The following ZNF423 variants were observed in gnomAD, a reference collection of about 807,000 sequenced individuals.
The protein encoded by ZNF423 is zinc finger protein 423.
ZNF423 carries 12 observed loss-of-function variants against 95.8 expected under a neutral mutation model. That is an observed-to-expected ratio of 0.13 (90% confidence interval 0.08 to 0.20). The LOEUF is 0.20. Ranked by LOEUF, ZNF423 falls within the 10% of genes least tolerant of loss-of-function variation. ZNF423 has a pLI of 1.00. For synonymous variants in ZNF423, 749 were observed against 711.9 expected (o/e 1.05, Z -0.83); for missense variants, 1,316 against 1,737.1 (o/e 0.76, Z 4.31).
intron 1 of ZNF423, among the ~76,000 whole-genome samples, chr16:49,817,539 A>G (rs552142223): frequency 1.3e-5 from 2 of 152,278 alleles, no homozygotes; most frequent in South Asian, 4.1e-4. Context: ...CACAGGTCCC[A>G]TCAGACCAGG....
At chr16:49,661,394 G>A (rs1316014706) in intron 3 of ZNF423, among the ~76,000 whole-genome samples, 4 of 152,146 alleles carry the variant, frequency 2.6e-5, no homozygotes, top group Admixed American at 2.0e-4. Context: ...CCCACCAGGG[G>A]GGACCCCCAA....
intron 3 of ZNF423, among the ~76,000 whole-genome samples, chr16:49,674,325 T>G (rs1376874041): frequency 6.6e-6 from 1 of 152,038 alleles, no homozygotes; most frequent in Non-Finnish European, 1.5e-5. Flanking sequence ...CCTAAGGGAT[T>G]TGTGGTGTGT....
intron 2 of ZNF423, among the ~76,000 whole-genome samples, chr16:49,733,844 G>C (rs953149441): frequency 1.3e-5 from 2 of 152,198 alleles, no homozygotes; most frequent in East Asian, 3.9e-4. Context: ...GAACAGGAAG[G>C]CCTCCACCCC....
At chr16:49,592,085 A>T (rs9940828) in intron 5 of ZNF423, among the ~76,000 whole-genome samples, 1 of 152,050 alleles carries the variant, frequency 6.6e-6, no homozygotes, top group South Asian at 2.1e-4. Flanking sequence ...AAAGTAATTG[A>T]GGTTTTTGCA....
At chr16:49,731,429 C>G in intron 2 of ZNF423, 1 of 957,892 alleles carries the variant, frequency 1.0e-6, no homozygotes, top group Non-Finnish European at 1.2e-6. Flanking sequence ...AGGGCAGTGA[C>G]GTTGGCTCAG....
chr16:49,789,299 C>T (rs1304095697), intron 2 of ZNF423, among the ~76,000 whole-genome samples, 188 bp downstream of exon 2: 4 of 152,150 alleles, frequency 2.6e-5, no homozygotes, highest in Admixed American at 6.5e-5. Flanking sequence ...TATTAGTCTC[C>T]GTATGTAATA....
rs894959114 is a variant in ZNF423, at chr16:49,636,738, T to C, written c.2438A>G (p.Lys813Arg). 7.4e-6 allele frequency: 12 copies of C among 1,614,090 alleles called. No individual in the cohort carries two copies. Among genetic ancestry groups the C allele is most frequent in the Non-Finnish European group, 1.0e-5 (12 of 1,180,020 alleles). ...ELQCHITTHSKKYNCKFCSKA... is the reference protein window; with the variant it reads ...ELQCHITTHSRKYNCKFCSKA... ...GCTGCAGAACTTACAGTTATACTTC[T>C]TGCTGTGTGTGGTGATGTGGCACTG... Residue 813 changes from lysine (K) to arginine (R), a missense_variant, in exon 4 of 8, where the codon AAG becomes AGG. Lys to Arg is a conservative substitution (Grantham distance 26). This residue lies in a region of ZNF423 where 620 missense variants were observed against 775.6 expected (regional missense o/e 0.80). Coordinates refer to ENST00000563137, the MANE Select transcript of ZNF423 (RefSeq NM_001379286.1). This position sits in a 1 kb window ranked among gnomAD's most constrained non-coding sequence, Gnocchi z 8.6.
intron 7 of ZNF423, among the ~76,000 whole-genome samples, chr16:49,508,579 C>T (rs1967753600): frequency 6.6e-6 from 1 of 150,968 alleles, no homozygotes; most frequent in African/African-American, 2.4e-5. Flanking sequence ...GTTCCACAAT[C>T]CCCAGGCCAT....
At chr16:49,849,803 C>T (rs1388834449) in intron 1 of ZNF423, among the ~76,000 whole-genome samples, 3 of 152,204 alleles carry the variant, frequency 2.0e-5, no homozygotes, top group Non-Finnish European at 1.5e-5. Flanking sequence ...TAACTGAGCT[C>T]CGACATTGTG....
At chr16:49,617,242 C>T (rs1971909186) in intron 5 of ZNF423, among the ~76,000 whole-genome samples, 1 of 152,140 alleles carries the variant, frequency 6.6e-6, no homozygotes, top group South Asian at 2.1e-4. Context: ...CCGCTGGGCC[C>T]CAAGGATCCA....
chr16:49,670,154 C>T (rs1280958660), intron 3 of ZNF423, among the ~76,000 whole-genome samples: 1 of 152,186 alleles, frequency 6.6e-6, no homozygotes, highest in Non-Finnish European at 1.5e-5. Flanking sequence ...GGAGCTGCTG[C>T]AGCCCAGCAG....
At chr16:49,509,525 T>C (rs1967796379) in intron 7 of ZNF423, among the ~76,000 whole-genome samples, 2 of 152,186 alleles carry the variant, frequency 1.3e-5, no homozygotes, top group African/African-American at 4.8e-5. Context: ...CGGGTGCTCC[T>C]GAAATGCCAA....
intron 2 of ZNF423, among the ~76,000 whole-genome samples, chr16:49,745,862 C>G (rs2033512052): frequency 6.6e-6 from 1 of 152,222 alleles, no homozygotes; most frequent in Admixed American, 6.5e-5. Flanking sequence ...GGAAAGGACT[C>G]TCTATGGGGA....
At chr16:49,725,331 AC>A (rs1222885040) in intron 3 of ZNF423, among the ~76,000 whole-genome samples, 2 of 152,178 alleles carry the variant, frequency 1.3e-5, no homozygotes, top group African/African-American at 4.8e-5. Flanking sequence ...GCAGTGAGCT[AC>A]AAATGGCACC....
intron 7 of ZNF423, among the ~76,000 whole-genome samples, chr16:49,514,575 T>A (rs4785316): frequency 0.61 from 93,006 of 152,116 alleles, 29,496 homozygotes; most frequent in African/African-American, 0.79. Flanking sequence ...ACCAGGACCC[T>A]GCCTGGCAGA....
intron 7 of ZNF423, chr16:49,517,677 CT>C (rs113365526): frequency 0.032 from 6,778 of 215,084 alleles, 76 homozygotes; most frequent in Non-Finnish European, 0.042. Context: ...TGAGAGAAAA[CT>C]TTTTTTTTTT....
At chr16:49,556,462 C>T (rs185792736) in intron 5 of ZNF423, among the ~76,000 whole-genome samples, 21 of 152,280 alleles carry the variant, frequency 1.4e-4, no homozygotes, top group African/African-American at 4.1e-4. Flanking sequence ...CACGTGAGAG[C>T]GGAGATTTCT....
At chr16:49,620,387 G>A (rs1440950126) in intron 5 of ZNF423, among the ~76,000 whole-genome samples, 1 of 152,154 alleles carries the variant, frequency 6.6e-6, no homozygotes, top group Non-Finnish European at 1.5e-5. Context: ...GCAGGAGGCA[G>A]GAGGGGTTGA....
At chr16:49,642,922 G>A (rs554178026) in intron 3 of ZNF423, among the ~76,000 whole-genome samples, 1 of 148,960 alleles carries the variant, frequency 6.7e-6, no homozygotes, top group East Asian at 2.0e-4. Flanking sequence ...CCAGGTTCAA[G>A]CAATTCTCCT....
Sources: allele counts gnomAD v4.1 joint callset (sites outside exome capture counted in the v4.1 genomes callset), GRCh38; gene constraint gnomAD v4.1.1; regional missense constraint gnomAD v4.1.1; non-coding constraint Gnocchi (gnomAD v3.1); transcripts MANE v1.5; gene names NCBI Gene and HGNC (gene_info 2026-07-23, HGNC 2026-07-21).